Variants in PCDH7 observed in about 807,000 individuals in gnomAD.
The protein encoded by PCDH7 is protocadherin 7, also known as protocadherin-7.
PCDH7 carries 17 observed loss-of-function variants against 58.9 expected under a neutral mutation model. The observed-to-expected ratio is 0.29, with a 90% CI of 0.20 to 0.43. PCDH7 has a LOEUF of 0.43. Ranked by LOEUF, PCDH7 falls within the 20% of genes least tolerant of loss-of-function variation. The pLI, the probability that PCDH7 is intolerant of heterozygous loss-of-function variation, is 1.00. For missense variants in PCDH7, 1,274 were observed against 1,441.0 expected (o/e 0.88, Z 1.88); for synonymous variants, 664 against 616.4 (o/e 1.08, Z -1.14).
chr4:30,885,254 T>A (rs553136161), intron 1 of PCDH7: 1 of 152,328 alleles, frequency 6.6e-6, no homozygotes, highest in African/African-American at 2.4e-5. Context: ...CCATAGTGAT[T>A]AAAACACAGA....
At chr4:30,940,587 C>T (rs1178435149) in intron 2 of PCDH7, among the ~76,000 whole-genome samples, 2 of 152,062 alleles carry the variant, frequency 1.3e-5, no homozygotes, top group Non-Finnish European at 2.9e-5. Flanking sequence ...ACTTAGCCAT[C>T]ATTTTTACAA....
chr4:30,779,003 GTTTTT>G lies in PCDH7; in HGVS notation c.70+54431_70+54435del, dbSNP rs386399674. 9.6e-5 allele frequency among the ~76,000 whole-genome samples: 7 copies of G among 73,006 alleles called. No homozygotes were observed. In the Admixed American group the frequency reaches 1.4e-3, roughly 15 times the overall value. 47.9% of individuals were successfully genotyped at this position (73,006 alleles called of 152,430 possible). On this transcript the variant is annotated intron_variant, in intron 1 of 3. Transcript: ENST00000509759. ...TGATTCCAAATGGCCTCCTTACTCC[GTTTTT>G]TTTTTTTTTTTTTTTTTTTTTTTAA... is the stretch of plus-strand genomic sequence containing the variant.
chr4:30,898,172 A>T (rs907464994), intron 1 of PCDH7, among the ~76,000 whole-genome samples: 11 of 152,220 alleles, frequency 7.2e-5, no homozygotes, highest in African/African-American at 2.7e-4. Context: ...TGCATGAACT[A>T]ATAAAACCAC....
At chr4:30,876,504 C>T (rs902133915) in intron 1 of PCDH7, among the ~76,000 whole-genome samples, 4 of 151,890 alleles carry the variant, frequency 2.6e-5, no homozygotes, top group Non-Finnish European at 1.5e-5. Flanking sequence ...ATTCATTATA[C>T]GTGATTCATT....
chr4:31,014,648 TTTTCTGTCACTTACCCACGATG>T (rs1578563605), intron 3 of PCDH7, among the ~76,000 whole-genome samples: 1 of 152,332 alleles, frequency 6.6e-6, no homozygotes, highest in East Asian at 1.9e-4. Flanking sequence ...GAATACATTT[TTTTCTGTCACTTACCCACGATG>T]TAGAGAAAGC....
At chr4:31,008,625 C>A (rs1172560709) in intron 3 of PCDH7, among the ~76,000 whole-genome samples, 1 of 152,072 alleles carries the variant, frequency 6.6e-6, no homozygotes, top group East Asian at 1.9e-4. Flanking sequence ...AAAATAGCAG[C>A]TGTAAACTAT....
intron 3 of PCDH7, among the ~76,000 whole-genome samples, chr4:30,975,625 C>T (rs1291420463): frequency 6.6e-6 from 1 of 152,152 alleles, no homozygotes; most frequent in Non-Finnish European, 1.5e-5. Flanking sequence ...CATGTATTCA[C>T]TCATCTATTC....
intron 2 of PCDH7, among the ~76,000 whole-genome samples, chr4:30,937,413 T>A (rs1178923199): frequency 6.6e-6 from 1 of 152,064 alleles, no homozygotes; most frequent in Non-Finnish European, 1.5e-5. Context: ...ATTTTGAGTC[T>A]TGGTCACAAA....
chr4:30,987,291 A>G (rs1426456345), intron 3 of PCDH7, among the ~76,000 whole-genome samples: 2 of 152,092 alleles, frequency 1.3e-5, no homozygotes, highest in Non-Finnish European at 2.9e-5. Context: ...ATCCATATCT[A>G]TTTTATACCA....
chr4:31,079,343 T>G lies in PCDH7; in HGVS notation c.*8-63130T>G, dbSNP rs868856909. Among the ~76,000 whole-genome samples the G allele has an allele frequency of 2.0e-3, 137 of 67,986 alleles. 1 individual carries two copies. Among genetic ancestry groups the G allele is most frequent in the Middle Eastern group, 7.9e-3 (1 of 126 alleles). 44.6% of individuals were successfully genotyped at this position (67,986 alleles called of 152,430 possible). On this transcript the variant is annotated intron_variant, in intron 3 of 3. Transcript: ENST00000509759. Reference sequence around the variant, plus strand: ...ATATATATATATATATATATATATATATATATATATATATATATATACACC... The same window carrying G: ...ATATATATATATATATATATATATAGATATATATATATATATATATACACC...
At chr4:30,876,886 C>T (rs1305067587) in intron 1 of PCDH7, among the ~76,000 whole-genome samples, 1 of 151,948 alleles carries the variant, frequency 6.6e-6, no homozygotes, top group Non-Finnish European at 1.5e-5. Flanking sequence ...GGTATTTGTC[C>T]TAATGCTCTC....
chr4:31,087,035 A>G (rs1192617457), intron 3 of PCDH7, among the ~76,000 whole-genome samples: 2 of 152,212 alleles, frequency 1.3e-5, no homozygotes, highest in African/African-American at 2.4e-5. Flanking sequence ...ATAGAGTTGC[A>G]GAAAGGTGAA....
intron 3 of PCDH7, among the ~76,000 whole-genome samples, chr4:30,997,839 T>C (rs533471727): frequency 6.6e-6 from 1 of 152,290 alleles, no homozygotes; most frequent in Non-Finnish European, 1.5e-5. Context: ...CTCTTTATTT[T>C]TATTGAGGGA....
At chr4:30,833,200 A>G (rs1188993002) in intron 1 of PCDH7, among the ~76,000 whole-genome samples, 2 of 152,132 alleles carry the variant, frequency 1.3e-5, no homozygotes, top group Non-Finnish European at 2.9e-5. Flanking sequence ...TGAGTGTCTT[A>G]AAACATCTCA....
At chr4:30,983,574 T>G (rs1463893586) in intron 3 of PCDH7, among the ~76,000 whole-genome samples, 1 of 152,236 alleles carries the variant, frequency 6.6e-6, no homozygotes, top group East Asian at 1.9e-4. Context: ...CATAGCTTTA[T>G]TTTTCATCAC....
chr4:31,074,431 A>G (rs1758802786), intron 3 of PCDH7, among the ~76,000 whole-genome samples: 1 of 151,966 alleles, frequency 6.6e-6, no homozygotes, highest in Admixed American at 6.6e-5. Context: ...TTTGGGTGTG[A>G]CTGGAAAGAT....
Position 30,859,074 on chromosome 4 carries a change from C to T in PCDH7, c.71-61079C>T, listed in dbSNP as rs537028283. ...CTGCAAACAGCCTTTCCTTTTTTCT[C>T]CCTTCTCTCTTTGTTCTTAACTATT... On this transcript the variant is annotated intron_variant, in intron 1 of 3. Coordinates refer to the PCDH7 transcript ENST00000509759. Among the ~76,000 whole-genome samples the T allele has an allele frequency of 2.6e-5, 4 of 152,206 alleles. No individual in the cohort carries two copies. In the South Asian group the frequency reaches 8.3e-4, roughly 32 times the overall value.
chr4:30,843,501 T>C (rs929021496), intron 1 of PCDH7, among the ~76,000 whole-genome samples: 3 of 152,158 alleles, frequency 2.0e-5, no homozygotes, highest in Non-Finnish European at 4.4e-5. Flanking sequence ...GCCTGGAATA[T>C]AGAACTTTAA....
chr4:31,122,211 C>T (rs1263539864), intron 3 of PCDH7, among the ~76,000 whole-genome samples: 1 of 152,106 alleles, frequency 6.6e-6, no homozygotes, highest in African/African-American at 2.4e-5. Flanking sequence ...TATATTTAAT[C>T]ACACCAAATC....
Sources: allele counts gnomAD v4.1 joint callset (sites outside exome capture counted in the v4.1 genomes callset), GRCh38; gene constraint gnomAD v4.1.1; transcripts MANE v1.5; gene names NCBI Gene and HGNC (gene_info 2026-07-23, HGNC 2026-07-21).